Variants in LYRM9 observed in about 807,000 individuals in gnomAD.
LYRM9 encodes the protein LYR motif containing 9.
In LYRM9, 14 loss-of-function variants were observed where a neutral mutation model predicts 12.6. The observed-to-expected ratio is 1.11, with a 90% CI of 0.73 to 1.73. LYRM9 has a LOEUF of 1.73. Ranked by LOEUF, LYRM9 falls within the 40% of genes most tolerant of loss-of-function variation. The pLI is 0.00. For synonymous variants in LYRM9, 42 were observed against 35.1 expected (o/e 1.20, Z -0.69); for missense variants, 94 against 95.0 (o/e 0.99, Z 0.04).
intron 3 of LYRM9, 174 bp from the exon 4 acceptor site, chr17:27,879,664 G>C (rs1904971262): frequency 3.3e-6 from 2 of 611,036 alleles, no homozygotes; most frequent in Admixed American, 3.2e-5. Context: ...TTCATGCCTG[G>C]ACTCCCTTTC....
intron 1 of LYRM9, among the ~76,000 whole-genome samples, chr17:27,887,275 AT>A: frequency 6.6e-6 from 1 of 152,314 alleles, no homozygotes; most frequent in Non-Finnish European, 1.5e-5. Flanking sequence ...TACAGCCAGT[AT>A]TTTTTATTGT....
At chr17:27,879,868 A>G in intron 3 of LYRM9, 2 of 575,218 alleles carry the variant, frequency 3.5e-6, no homozygotes, top group Non-Finnish European at 6.1e-6. Context: ...AACATACTGA[A>G]TGTTTCCTCC....
intron 1 of LYRM9, among the ~76,000 whole-genome samples, chr17:27,887,768 G>A (rs911700412): frequency 2.6e-5 from 4 of 151,794 alleles, no homozygotes; most frequent in Non-Finnish European, 4.4e-5. Context: ...GTCAGAGAGA[G>A]ACAGAGGTTT....
chr17:27,888,571 G>A (rs1465077696), intron 1 of LYRM9, among the ~76,000 whole-genome samples: 1 of 152,184 alleles, frequency 6.6e-6, no homozygotes, highest in African/African-American at 2.4e-5. Context: ...GAGGTGACAT[G>A]TCATCAGGTC....
intron 2 of LYRM9, 34 bp downstream of exon 2, chr17:27,882,535 G>C: frequency 6.5e-7 from 1 of 1,532,872 alleles, no homozygotes; most frequent in Non-Finnish European, 8.8e-7. Context: ...TGCCATTAGA[G>C]GCAGCCCCCA....
At chr17:27,879,628 G>T in intron 3 of LYRM9, 138 bp from the exon 4 acceptor site, 1 of 841,410 alleles carries the variant, frequency 1.2e-6, no homozygotes, top group Non-Finnish European at 1.8e-6. Context: ...ACCCAAGCAG[G>T]AGGCACTGGG....
intron 1 of LYRM9, among the ~76,000 whole-genome samples, chr17:27,883,835 TAA>T (rs781375467): frequency 0.013 from 312 of 24,434 alleles, no homozygotes; most frequent in South Asian, 0.019. Context: ...AGCCTTTTTC[TAA>T]AAAAAAAAAA....
At chr17:27,892,085 C>T (rs931992751) in intron 1 of LYRM9, 7 of 176,662 alleles carry the variant, frequency 4.0e-5, no homozygotes, top group Non-Finnish European at 3.6e-5. Context: ...CACGCCACCA[C>T]GTCTGGCTAA....
intron 1 of LYRM9, among the ~76,000 whole-genome samples, chr17:27,887,430 T>C (rs560161367): frequency 6.6e-6 from 1 of 152,222 alleles, no homozygotes; most frequent in African/African-American, 2.4e-5. Context: ...GCAAAAATCA[T>C]GAGGGTCCTG....
intron 1 of LYRM9, among the ~76,000 whole-genome samples, chr17:27,885,532 G>A (rs1597593058): frequency 6.6e-6 from 1 of 151,844 alleles, no homozygotes; most frequent in South Asian, 2.1e-4. Flanking sequence ...GCAACACAGG[G>A]AGACCCTGTC....
At chr17:27,889,311 CTT>C (rs537456506) in intron 1 of LYRM9, among the ~76,000 whole-genome samples, 8 of 144,412 alleles carry the variant, frequency 5.5e-5, no homozygotes, top group Non-Finnish European at 3.0e-5. Flanking sequence ...TTTCTTTTTT[CTT>C]TTTTTTTTTT....
intron 3 of LYRM9, chr17:27,879,783 T>C: frequency 1.8e-6 from 1 of 545,426 alleles, no homozygotes; most frequent in Non-Finnish European, 3.2e-6. Context: ...TCCAACTCTC[T>C]AGGTCCTTCT....
At chr17:27,882,506 T>G in intron 2 of LYRM9, 63 bp downstream of exon 2, 1 of 1,473,752 alleles carries the variant, frequency 6.8e-7, no homozygotes, top group East Asian at 2.5e-5. Flanking sequence ...CCTTGGCCTC[T>G]GACCTGCGCC....
intron 3 of LYRM9, chr17:27,879,913 C>T (rs1454073010): frequency 1.7e-6 from 1 of 593,766 alleles, no homozygotes; most frequent in African/African-American, 1.9e-5. Context: ...CCCCCAGAGA[C>T]AGGGAGTCCC....
rs777896248 is a variant in LYRM9, at chr17:27,882,611, C to A, written c.84G>T (p.Pro28=). 1 of 1,596,916 alleles carries A rather than the reference C, an allele frequency of 6.3e-7. No individual in the cohort carries two copies. The highest frequency in any genetic ancestry group is 1.1e-5 in the South Asian group (1 of 87,964). The part of the protein sequence containing the change: ...RYLLRCCQQL[P]TKGIQQHYKH... Reference sequence around the variant, plus strand: ...TGTAATGCTGCTGGATGCCCTTGGTCGGCAGCTGCTGGCAACAGCGCAGCA... The same window carrying A: ...TGTAATGCTGCTGGATGCCCTTGGTAGGCAGCTGCTGGCAACAGCGCAGCA... Residue 28 remains proline (P), a synonymous_variant, in exon 2 of 4, where the codon CCG becomes CCT. Coordinates refer to ENST00000379102, the MANE Select transcript of LYRM9 (RefSeq NM_001076680.3).
intron 2 of LYRM9, 126 bp from the exon 3 acceptor site, chr17:27,880,492 TAG>T (rs1567662353): frequency 4.6e-6 from 3 of 651,316 alleles, no homozygotes; most frequent in Admixed American, 5.0e-5. Context: ...TCATCCTCCA[TAG>T]ACTGTTATGA....
intron 1 of LYRM9, among the ~76,000 whole-genome samples, chr17:27,885,400 GA>G (rs1351054985): frequency 6.6e-6 from 1 of 151,988 alleles, no homozygotes; most frequent in East Asian, 1.9e-4. Flanking sequence ...GAGACCCTGA[GA>G]AAAAAACAAG....
Position 27,880,288 on chromosome 17 carries a change from A to G in LYRM9, c.205T>C (p.Trp69Arg), listed in dbSNP as rs1249941433. 6.2e-7 allele frequency: 1 copy of G among 1,609,034 alleles called. No homozygotes were observed. The highest frequency in any genetic ancestry group is 1.1e-5 in the South Asian group (1 of 89,758). The change falls in exon 3 of 4, where the codon TGG (tryptophan) becomes CGG (arginine). Residue 69 changes from tryptophan to arginine, a missense_variant. Coordinates refer to ENST00000379102, the MANE Select transcript of LYRM9 (RefSeq NM_001076680.3). ...IIKRAIEDAD[W>R]IMNKYKKQN is the part of the protein sequence containing the mutation. ...CAAGCACCTACTTTGTTCATGATCC[A>G]GTCAGCATCTTCAATGGCTCTTTTA... is the stretch of plus-strand genomic sequence containing the variant.
chr17:27,882,828 G>T, intron 1 of LYRM9, 116 bp from the exon 2 acceptor site: 1 of 1,167,294 alleles, frequency 8.6e-7, no homozygotes, highest in Admixed American at 2.4e-5. Flanking sequence ...GGCCCCTCCT[G>T]TCCCATCCCA....
Sources: gnomAD v4.1 joint callset for allele counts (sites outside exome capture counted in the v4.1 genomes callset) on GRCh38, gnomAD v4.1.1 for gene constraint, MANE v1.5 for transcripts, NCBI Gene and HGNC (gene_info 2026-07-23, HGNC 2026-07-21) for gene names.